TULP4: variants seen among roughly 807,000 people sequenced by gnomAD.
TULP4 encodes the protein tubby-related protein 4.
TULP4 carries 16 observed loss-of-function variants against 129.0 expected under a neutral mutation model. The ratio of observed to expected loss-of-function variants is 0.12; its 90% confidence interval spans 0.08 to 0.19. The LOEUF (loss-of-function observed/expected upper bound fraction) is 0.19. Among genes scored for constraint, TULP4 ranks in the 10% least tolerant of loss-of-function variants. The pLI is 1.00. For synonymous variants in TULP4, 998 were observed against 854.0 expected (o/e 1.17, Z -2.94); for missense variants, 1,842 against 2,059.1 (o/e 0.89, Z 2.04).
chr6:158,470,216 G>A (rs944114731), intron 6 of TULP4, among the ~76,000 whole-genome samples: 1 of 152,234 alleles, frequency 6.6e-6, no homozygotes, highest in Non-Finnish European at 1.5e-5. Context: ...AGATTCGGAG[G>A]GATGGGAGTC....
chr6:158,392,794 CTTTT>C lies in TULP4; in HGVS notation c.253-20249_253-20246del, dbSNP rs773565295. ...GTACCTATTGTTTAAATTTGTATTTCTTTTTTTTTTTTTTTTTTTTTTTTTGAGA... is the reference window on the plus strand; with the variant it reads ...GTACCTATTGTTTAAATTTGTATTTCTTTTTTTTTTTTTTTTTTTTTGAGA... On this transcript the variant is annotated intron_variant, in intron 1 of 13. Transcript: ENST00000367097. Among the ~76,000 whole-genome samples the C allele has an allele frequency of 2.5e-3, 139 of 54,632 alleles. 3 individuals are homozygous for C. The highest frequency in any genetic ancestry group is 0.02 in the East Asian group (36 of 1,846). The allele number at this position is 54,632 out of a possible 152,430, so 35.8% of individuals were successfully genotyped here.
intron 1 of TULP4, chr6:158,232,449 G>C (rs1283445009): frequency 1.3e-5 from 2 of 151,322 alleles, no homozygotes; most frequent in Admixed American, 6.6e-5. Context: ...CGCGGCGGGC[G>C]GGGGTCGGGG....
At position 158,506,381 on chromosome 6, in the gene TULP4, G is replaced by A. The variant is rs151163940; in HGVS notation, c.4516-197G>A. 9.2e-5 allele frequency among the ~76,000 whole-genome samples: 14 copies of A among 151,814 alleles called. No individual in the cohort carries two copies. In the South Asian group the frequency reaches 1.3e-3, roughly 14 times the overall value. ...CGAGTAGCTGGGACTACAGGCGCCCGCCACCACGCCCGGCTAATTTTTTGT... is the reference window on the plus strand; with the variant it reads ...CGAGTAGCTGGGACTACAGGCGCCCACCACCACGCCCGGCTAATTTTTTGT... On this transcript the variant is annotated intron_variant, in intron 13 of 13. Coordinates refer to ENST00000367097, the MANE Select transcript of TULP4 (RefSeq NM_020245.5).
chr6:158,330,590 T>C (rs1331808772), intron 1 of TULP4, among the ~76,000 whole-genome samples: 9 of 152,202 alleles, frequency 5.9e-5, no homozygotes, highest in Non-Finnish European at 1.3e-4. Flanking sequence ...AATGTGTATT[T>C]CCTAAGAACA....
intron 1 of TULP4, among the ~76,000 whole-genome samples, chr6:158,294,556 C>T (rs1778997408): frequency 6.6e-6 from 1 of 152,102 alleles, no homozygotes; most frequent in African/African-American, 2.4e-5. Context: ...GTGAGGACGT[C>T]CTGTGTCCAC....
intron 1 of TULP4, among the ~76,000 whole-genome samples, chr6:158,399,159 A>T (rs1446515500): frequency 6.6e-6 from 1 of 152,216 alleles, no homozygotes; most frequent in Non-Finnish European, 1.5e-5. Context: ...TTTTGAAGTA[A>T]TAGAAAAAAG....
chr6:158,239,675 G>A (rs1425568618), intron 1 of TULP4, among the ~76,000 whole-genome samples: 5 of 69,206 alleles, frequency 7.2e-5, no homozygotes, highest in African/African-American at 2.4e-4. Flanking sequence ...CGGGCGGCTG[G>A]CCGGGCAGAG....
intron 1 of TULP4, among the ~76,000 whole-genome samples, chr6:158,328,013 C>G (rs1490242926): frequency 6.6e-6 from 1 of 151,368 alleles, no homozygotes; most frequent in Non-Finnish European, 1.5e-5. Context: ...GGTCCAGTTT[C>G]TTTCAGTAAG....
At chr6:158,424,225 G>C in intron 2 of TULP4, among the ~76,000 whole-genome samples, 1 of 152,118 alleles carries the variant, frequency 6.6e-6, no homozygotes, top group Non-Finnish European at 1.5e-5. Flanking sequence ...CGGTATATTT[G>C]TATATAATCT....
intron 1 of TULP4, among the ~76,000 whole-genome samples, chr6:158,240,315 C>T (rs1777854347): frequency 1.1e-5 from 1 of 89,122 alleles, no homozygotes; most frequent in Non-Finnish European, 2.5e-5. Flanking sequence ...CCCCTCACCT[C>T]CCGGACGGGG....
chr6:158,472,448 C>T (rs1276651732), intron 6 of TULP4, among the ~76,000 whole-genome samples: 1 of 152,172 alleles, frequency 6.6e-6, no homozygotes, highest in East Asian at 1.9e-4. Context: ...TCCATTTCAA[C>T]CATTGAAAAA....
At chr6:158,362,839 G>GCAGGTGGA (rs11269628) in intron 1 of TULP4, among the ~76,000 whole-genome samples, 3 of 151,658 alleles carry the variant, frequency 2.0e-5, no homozygotes, top group African/African-American at 7.3e-5. Flanking sequence ...ACTTTGGGAG[G>GCAGGTGGA]TCAGGAGGTC....
At chr6:158,410,044 C>T (rs341166) in intron 1 of TULP4, among the ~76,000 whole-genome samples, 37,014 of 151,970 alleles carry the variant, frequency 0.24, 5,717 homozygotes, top group Non-Finnish European at 0.35. Context: ...TTAGTAGAGA[C>T]GGGGTTTCAC....
chr6:158,236,795 CTTTTTT>C (rs71030149), intron 1 of TULP4, among the ~76,000 whole-genome samples: 639 of 62,950 alleles, frequency 0.01, no homozygotes, highest in Non-Finnish European at 0.015. Context: ...CAATTCTTTT[CTTTTTT>C]TTTTTTTTTT....
chr6:158,411,126 GAA>G (rs79023085), intron 1 of TULP4, among the ~76,000 whole-genome samples: 27 of 52,160 alleles, frequency 5.2e-4, no homozygotes, highest in South Asian at 1.1e-3. Context: ...AGGTAAAAGT[GAA>G]AAAAAAAAAA....
intron 1 of TULP4, among the ~76,000 whole-genome samples, chr6:158,360,824 T>C (rs1331795983): frequency 2.6e-5 from 4 of 152,210 alleles, no homozygotes; most frequent in Non-Finnish European, 4.4e-5. Flanking sequence ...TCATGTATAA[T>C]GCATGTGCCT....
rs557678837 is a variant in TULP4, at chr6:158,427,471, C to CTTTTTTTTTTTTTTT, written c.382-2238_382-2224dup. 8.2e-4 allele frequency among the ~76,000 whole-genome samples: 61 copies of CTTTTTTTTTTTTTTT among 74,136 alleles called. 13 individuals are homozygous for CTTTTTTTTTTTTTTT. Among genetic ancestry groups the CTTTTTTTTTTTTTTT allele is most frequent in the African/African-American group, 1.3e-3 (21 of 16,112 alleles). 48.6% of individuals were successfully genotyped at this position (74,136 alleles called of 152,430 possible). ...AAATTCCTTTTCAAAATTATCAGAC[C>CTTTTTTTTTTTTTTT]TTTTTTTTTTTTTTTTTTTTTTTTT... On this transcript the variant is annotated intron_variant, in intron 2 of 13. Transcript: ENST00000367097.
chr6:158,468,070 G>A (rs1368331240), intron 6 of TULP4, among the ~76,000 whole-genome samples: 1 of 152,206 alleles, frequency 6.6e-6, no homozygotes, highest in Non-Finnish European at 1.5e-5. Flanking sequence ...CCAGCTGTGT[G>A]GGAGCCGCTT....
rs9457354 is a variant in TULP4, at chr6:158,342,653, A to T, written c.252+28385A>T. Among the ~76,000 whole-genome samples, 842 of 152,330 alleles carry T rather than the reference A, an allele frequency of 5.5e-3. 7 individuals are homozygous for T. The highest frequency in any genetic ancestry group is 0.019 in the African/African-American group (773 of 41,566). On this transcript the variant is annotated intron_variant, in intron 1 of 13. Coordinates refer to ENST00000367097, the MANE Select transcript of TULP4 (RefSeq NM_020245.5). The stretch of plus-strand genomic sequence containing the variant: ...ACTGTGTGCTCAGTTGCCTATATTT[A>T]CTGACTTCTTGAAAGGGTGGATTGA...
Sources: allele counts gnomAD v4.1 joint callset (sites outside exome capture counted in the v4.1 genomes callset), GRCh38; gene constraint gnomAD v4.1.1; transcripts MANE v1.5; gene names NCBI Gene and HGNC (gene_info 2026-07-23, HGNC 2026-07-21).